NDUFAF7: variants seen among roughly 807,000 people sequenced by gnomAD.
NDUFAF7 encodes protein arginine methyltransferase NDUFAF7, mitochondrial.
Under a neutral mutation model 47.2 loss-of-function variants are expected in NDUFAF7, and 48 were observed. The observed-to-expected ratio is 1.02, with a 90% CI of 0.81 to 1.29. NDUFAF7 has a LOEUF of 1.29. Ranked by LOEUF, NDUFAF7 falls within the 50% of genes most tolerant of loss-of-function variation. NDUFAF7 has a pLI of 0.00. For missense variants in NDUFAF7, 635 were observed against 537.6 expected (o/e 1.18, Z -1.79); for synonymous variants, 217 against 190.0 (o/e 1.14, Z -1.17).
At position 37,242,658 on chromosome 2, in the gene NDUFAF7, G is replaced by T; in HGVS notation, c.646G>T (p.Glu216Ter). The T allele has an allele frequency of 1.2e-6, 2 of 1,602,010 alleles. No individual in the cohort carries two copies. Among genetic ancestry groups the T allele is most frequent in the Non-Finnish European group, 1.7e-6 (2 of 1,169,442 alleles). ...PKGYSFYLAH[E>*]FFDVLPVHKF... ...AGGGTACAGCTTTTATCTTGCACAT[G>T]AATTTTTTGATGTTCTTCCTGTGCA... The change falls in exon 6 of 10, where the codon GAA (glutamate) becomes TAA (stop). Residue 216 changes from glutamate to a stop codon, truncating the protein, a stop_gained. Coordinates refer to ENST00000002125, the MANE Select transcript of NDUFAF7 (RefSeq NM_144736.5). LOFTEE classifies it high-confidence loss of function.
At chr2:37,261,914 GTTTT>G in the NDUFAF7 span, among the ~76,000 whole-genome samples, 3 of 151,624 alleles carry the variant, frequency 2.0e-5, no homozygotes, top group Admixed American at 6.6e-5. Flanking sequence ...CAACCATTCC[GTTTT>G]TTTGAGTATT....
chr2:37,264,482 G>A, the NDUFAF7 span, among the ~76,000 whole-genome samples: 1 of 132,134 alleles, frequency 7.6e-6, no homozygotes, highest in Non-Finnish European at 1.6e-5. Context: ...GGTGATAAGT[G>A]CCATGGAGAA....
chr2:37,256,517 G>GT, downstream of NDUFAF7: 2 of 1,104,630 alleles, frequency 1.8e-6, no homozygotes, highest in South Asian at 3.7e-5. Context: ...CAAAAAACTG[G>GT]TAACTAGTTG....
chr2:37,260,178 T>A, the NDUFAF7 span: 17 of 1,494,994 alleles, frequency 1.1e-5, 1 homozygote, highest in South Asian at 6.0e-5. Context: ...AAAAAAAAAA[T>A]TAGTTTTTAA....
the NDUFAF7 span, among the ~76,000 whole-genome samples, chr2:37,261,878 T>C: frequency 2.6e-4 from 39 of 152,226 alleles, no homozygotes; most frequent in Non-Finnish European, 5.1e-4. Context: ...ATTCATTCAG[T>C]AAAAAACGTA....
the NDUFAF7 span, among the ~76,000 whole-genome samples, chr2:37,266,489 C>CT: frequency 0.1 from 13,622 of 129,748 alleles, 1,034 homozygotes; most frequent in East Asian, 0.35. Flanking sequence ...CCACACCCGG[C>CT]TTTTTTTTTT....
downstream of NDUFAF7, chr2:37,251,816 A>G (rs897075860): frequency 2.6e-5 from 4 of 152,058 alleles, no homozygotes; most frequent in Non-Finnish European, 5.9e-5. Context: ...AACATAACTA[A>G]CAAGTAGTGG....
chr2:37,265,331 C>T, the NDUFAF7 span, among the ~76,000 whole-genome samples: 1 of 152,052 alleles, frequency 6.6e-6, no homozygotes, highest in Non-Finnish European at 1.5e-5. Context: ...TCTTATGAAA[C>T]TAATTTCAGT....
rs1329603966 is a variant in NDUFAF7 at position 37,238,515 on chromosome 2, C to A, written c.408+648C>A. On this transcript the variant is annotated intron_variant, in intron 4 of 9. Transcript: ENST00000002125. ...CCTGTAATCGTAGCACTTTGGGGGG[C>A]CAAGGTGGGAGGATTGCTTGAGGCC... Among the ~76,000 whole-genome samples, 4 of 151,258 alleles carry A rather than the reference C, an allele frequency of 2.6e-5. No individual in the cohort carries two copies. The East Asian group carries it at 7.7e-4, about 29-fold the overall frequency.
At chr2:37,242,255 G>T in intron 5 of NDUFAF7, 1 of 260,004 alleles carries the variant, frequency 3.8e-6, no homozygotes, top group Non-Finnish European at 7.4e-6. Context: ...TTGACTCAAA[G>T]CCAAAGTGGG....
the NDUFAF7 span, among the ~76,000 whole-genome samples, chr2:37,264,042 C>G: frequency 6.6e-6 from 1 of 152,168 alleles, no homozygotes; most frequent in South Asian, 2.1e-4. Context: ...CTACCCTCTT[C>G]AGGCAAGACA....
At chr2:37,249,558 G>GACACAC (rs56374800), downstream of NDUFAF7, among the ~76,000 whole-genome samples, 3,364 of 128,182 alleles carry the variant, frequency 0.026, 88 homozygotes, top group Middle Eastern at 0.066. Context: ...GCCTGTGATA[G>GACACAC]ACACACACAC....
chr2:37,236,100 A>G lies in NDUFAF7; in HGVS notation c.221A>G (p.Tyr74Cys), dbSNP rs1003349712. 6.2e-7 allele frequency: 1 copy of G among 1,611,830 alleles called. No individual in the cohort carries two copies. The highest frequency in any genetic ancestry group is 8.5e-7 in the Non-Finnish European group (1 of 1,178,140). Residue 74 changes from tyrosine to cysteine, a missense_variant, in exon 3 of 10, where the codon TAT (tyrosine) becomes TGT (cysteine). Transcript: ENST00000002125. Reference sequence around the variant, plus strand: ...CTATTTTCTCTTTTTACTCAGGGTTATTATGTGTACCGTGACATGCTAGGC... The same window carrying G: ...CTATTTTCTCTTTTTACTCAGGGTTGTTATGTGTACCGTGACATGCTAGGC... ...KEVLTNPAKG[Y>C]YVYRDMLGEK... is the part of the protein sequence containing the mutation.
the NDUFAF7 span, chr2:37,269,288 CT>C: frequency 7.0e-6 from 2 of 283,888 alleles, no homozygotes; most frequent in African/African-American, 2.2e-5. Context: ...AGGGAATATA[CT>C]TCAATGAATA....
At chr2:37,236,904 T>C (rs1665848327) in intron 3 of NDUFAF7, among the ~76,000 whole-genome samples, 1 of 151,956 alleles carries the variant, frequency 6.6e-6, no homozygotes, top group Non-Finnish European at 1.5e-5. Flanking sequence ...GAAGAATTAG[T>C]GGAATTAAGA....
At chr2:37,269,505 A>G in the NDUFAF7 span, 3 of 910,854 alleles carry the variant, frequency 3.3e-6, no homozygotes, top group Non-Finnish European at 5.3e-6. Flanking sequence ...CAGCCTTTAA[A>G]AAAAAGGCAC....
Position 37,247,512 on chromosome 2 carries a change from A to G in NDUFAF7, c.993A>G (p.Leu331=), listed in dbSNP as rs1667056163. The change falls in exon 9 of 10, where the codon CTA becomes CTG. Residue 331 remains leucine, a synonymous_variant. Transcript: ENST00000002125. Reference sequence around the variant, plus strand: ...TAATTGCCCCAGGAACAGCAGATCTAACAGCTGATGTGGACTTCAGTTATT... The same window carrying G: ...TAATTGCCCCAGGAACAGCAGATCTGACAGCTGATGTGGACTTCAGTTATT... The part of the protein sequence containing the change: ...DVLIAPGTAD[L]TADVDFSYLR... 1 of 1,614,086 alleles carries G rather than the reference A, an allele frequency of 6.2e-7. No individual in the cohort carries two copies. The highest frequency in any genetic ancestry group is 8.5e-7 in the Non-Finnish European group (1 of 1,179,960).
chr2:37,235,784 A>G (rs1454057488), intron 2 of NDUFAF7, among the ~76,000 whole-genome samples: 1 of 152,002 alleles, frequency 6.6e-6, no homozygotes, highest in African/African-American at 2.4e-5. Flanking sequence ...CCTCCCAAAT[A>G]GCTGGGACTA....
At position 37,248,729 on chromosome 2, in the gene NDUFAF7, A is replaced by C. The variant is rs1200739131; in HGVS notation, c.*379A>C. Reference sequence around the variant, plus strand: ...CAGCAGTTAAAGACCAGCCTGACCAAAATGGAGAAACCCCATCTCTACTAA... The same window carrying C: ...CAGCAGTTAAAGACCAGCCTGACCACAATGGAGAAACCCCATCTCTACTAA... On this transcript the variant is annotated 3_prime_UTR_variant, in exon 10 of 10. Transcript: ENST00000002125. 1 of 286,638 alleles carries C rather than the reference A, an allele frequency of 3.5e-6. No individual in the cohort carries two copies. Among genetic ancestry groups the C allele is most frequent in the Non-Finnish European group, 6.8e-6 (1 of 147,234 alleles). 17.8% of individuals were successfully genotyped at this position (286,638 alleles called of 1,614,324 possible).
Sources: allele counts gnomAD v4.1 joint callset (sites outside exome capture counted in the v4.1 genomes callset), GRCh38; gene constraint gnomAD v4.1.1; transcripts MANE v1.5; gene names NCBI Gene and HGNC (gene_info 2026-07-23, HGNC 2026-07-21).